MAMLD1: variants seen among roughly 807,000 people sequenced by gnomAD.
MAMLD1 encodes mastermind like domain containing 1, also known as mastermind-like domain-containing protein 1.
A neutral mutation model predicts 45.0 loss-of-function variants in MAMLD1; 14 were observed. The ratio of observed to expected loss-of-function variants is 0.31; its 90% CI spans 0.21 to 0.49. MAMLD1 has a LOEUF of 0.49. Among genes scored for constraint, MAMLD1 ranks in the 20% least tolerant of loss-of-function variants. MAMLD1 has a pLI of 0.99. For missense variants in MAMLD1, 543 were observed against 603.6 expected, an observed-to-expected ratio of 0.90 and a Z score of 1.05; for synonymous variants, 254 against 247.8, an observed-to-expected ratio of 1.02 and a Z score of -0.24.
In MAMLD1 at chrX:150,467,985, C is replaced by T. The variant is rs782671206; in HGVS notation, c.172-1760C>T. On this transcript the variant is annotated intron_variant, in intron 3 of 7. Coordinates refer to ENST00000370401, the MANE Select transcript of MAMLD1 (RefSeq NM_005491.5). Reference sequence around the variant, plus strand: ...AAGAACTATAATTACACTCATTTTACACATAAAGAAACTGGGGCTCTGAGA... The same window carrying T: ...AAGAACTATAATTACACTCATTTTATACATAAAGAAACTGGGGCTCTGAGA... Among the ~76,000 whole-genome samples the T allele has an allele frequency of 1.5e-4, 17 of 112,606 alleles. No homozygotes were observed. The South Asian group carries it at 6.3e-3, about 42-fold the overall frequency.
chrX:150,463,729 G>T (rs781834895), intron 3 of MAMLD1, among the ~76,000 whole-genome samples: 232 of 111,262 alleles, frequency 2.1e-3, no homozygotes, highest in African/African-American at 7.1e-3. Flanking sequence ...CAGCCCTCAG[G>T]TCAGGGTGGC....
intron 1 of MAMLD1, among the ~76,000 whole-genome samples, chrX:150,400,978 G>A (rs12400342): frequency 9.1e-6 from 1 of 109,416 alleles, no homozygotes; most frequent in African/African-American, 3.3e-5. Flanking sequence ...CTCATAAAAC[G>A]AGTTAGGGAG....
At chrX:150,414,959 G>C (rs1430766017) in intron 1 of MAMLD1, among the ~76,000 whole-genome samples, 1 of 111,466 alleles carries the variant, frequency 9.0e-6, no homozygotes, top group Non-Finnish European at 1.9e-5. Context: ...AGACACCAGG[G>C]TGATGAGGAG....
chrX:150,458,712 A>G lies in MAMLD1; in HGVS notation c.97-4060A>G, dbSNP rs782757738. On this transcript the variant is annotated intron_variant, in intron 2 of 7. Transcript: ENST00000370401. Reference sequence around the variant, plus strand: ...TATACAGTGTGATGATTTGATATACATATATATTGTGAAATGATTACCACA... The same window carrying G: ...TATACAGTGTGATGATTTGATATACGTATATATTGTGAAATGATTACCACA... Among the ~76,000 whole-genome samples the G allele has an allele frequency of 2.0e-4, 23 of 112,259 alleles. No homozygotes were observed. In the South Asian group the frequency reaches 8.6e-3, roughly 42 times the overall value.
intron 1 of MAMLD1, among the ~76,000 whole-genome samples, chrX:150,385,653 G>T (rs1213441619): frequency 9.0e-6 from 1 of 111,235 alleles, no homozygotes; most frequent in East Asian, 2.8e-4. Context: ...GGAAGAGGAA[G>T]GGTTGCTCTT....
At chrX:150,371,523 G>A (rs983503351) in intron 1 of MAMLD1, among the ~76,000 whole-genome samples, 1 of 111,516 alleles carries the variant, frequency 9.0e-6, no homozygotes, top group Non-Finnish European at 1.9e-5. Flanking sequence ...AGGCCTGGTG[G>A]CCCCAGCTTG....
Position 150,512,380 on chromosome X carries a change from T to C in MAMLD1, c.*421T>C. 1 of 1,143,263 alleles carries C rather than the reference T, an allele frequency of 8.7e-7. No homozygotes were observed. The highest frequency in any genetic ancestry group is 1.2e-6 in the Non-Finnish European group (1 of 864,086). 94.2% of individuals were successfully genotyped at this position (1,143,263 alleles called of 1,213,427 possible). A position where few individuals can be genotyped will look rare whatever the true frequency, so the allele number is the denominator to read the frequency against. ...GTCCCCACCAGCTCAGACGGCCTAGTGTGCCAAGAATGCCCACTGCGTTCA... is the reference window on the plus strand; with the variant it reads ...GTCCCCACCAGCTCAGACGGCCTAGCGTGCCAAGAATGCCCACTGCGTTCA... On this transcript the variant is annotated 3_prime_UTR_variant, in exon 8 of 8. Coordinates refer to ENST00000370401, the MANE Select transcript of MAMLD1 (RefSeq NM_005491.5).
At chrX:150,481,969 A>AAAGAAAG (rs2036799418) in intron 5 of MAMLD1, among the ~76,000 whole-genome samples, 1 of 35,206 alleles carries the variant, frequency 2.8e-5, no homozygotes, top group Non-Finnish European at 5.5e-5. Context: ...AAGAAAAAAG[A>AAAGAAAG]AAGAAAGAAA....
intron 1 of MAMLD1, among the ~76,000 whole-genome samples, chrX:150,428,089 C>T (rs2034777125): frequency 9.0e-6 from 1 of 110,862 alleles, no homozygotes; most frequent in African/African-American, 3.3e-5. Flanking sequence ...TACTGGGGTG[C>T]CTTCAGAGCC....
At chrX:150,484,770 G>C (rs1291037572) in intron 5 of MAMLD1, among the ~76,000 whole-genome samples, 4 of 112,618 alleles carry the variant, frequency 3.6e-5, no homozygotes, top group Non-Finnish European at 7.5e-5. Context: ...TCTGCATTGT[G>C]ATTTGTCAGA....
chrX:150,467,917 A>G (rs1217039208), intron 3 of MAMLD1, among the ~76,000 whole-genome samples: 1 of 112,370 alleles, frequency 8.9e-6, no homozygotes, highest in African/African-American at 3.2e-5. Context: ...GTGTCATACA[A>G]TGTGCCCCGT....
chrX:150,489,908 G>A (rs1479444780), intron 5 of MAMLD1, among the ~76,000 whole-genome samples: 1 of 111,143 alleles, frequency 9.0e-6, no homozygotes, highest in Non-Finnish European at 1.9e-5. Flanking sequence ...GCGAGAAAGA[G>A]GATTGGGTAA....
At chrX:150,372,257 G>A (rs181627019) in intron 1 of MAMLD1, among the ~76,000 whole-genome samples, 2 of 112,325 alleles carry the variant, frequency 1.8e-5, no homozygotes, top group Non-Finnish European at 3.8e-5. Flanking sequence ...TTAAGAATTA[G>A]AAGGTAGTGT....
chrX:150,466,974 T>G, intron 3 of MAMLD1, among the ~76,000 whole-genome samples: 1 of 92,159 alleles, frequency 1.1e-5, no homozygotes. Flanking sequence ...TCACAGCCCC[T>G]TCCCTCCCTT....
chrX:150,381,761 C>T (rs1485831766), intron 1 of MAMLD1, among the ~76,000 whole-genome samples: 1 of 112,112 alleles, frequency 8.9e-6, no homozygotes, highest in Non-Finnish European at 1.9e-5. Flanking sequence ...TTGCATTTCC[C>T]TAACGCCTAA....
At chrX:150,456,906 AG>A (rs1557405357) in intron 2 of MAMLD1, among the ~76,000 whole-genome samples, 1 of 112,365 alleles carries the variant, frequency 8.9e-6, no homozygotes, top group Non-Finnish European at 1.9e-5. Flanking sequence ...CCTTCAGAAA[AG>A]TTTCTTGCCC....
At chrX:150,474,085 G>A (rs1227549066) in intron 5 of MAMLD1, among the ~76,000 whole-genome samples, 1 of 112,404 alleles carries the variant, frequency 8.9e-6, no homozygotes, top group Non-Finnish European at 1.9e-5. Context: ...TTGCCACCAA[G>A]AGCTGCCTTT....
At chrX:150,433,915 G>T (rs1421501235) in intron 1 of MAMLD1, among the ~76,000 whole-genome samples, 2 of 111,693 alleles carry the variant, frequency 1.8e-5, no homozygotes, top group African/African-American at 6.5e-5. Flanking sequence ...GATGATGTTG[G>T]CCTCACAGAA....
intron 5 of MAMLD1, among the ~76,000 whole-genome samples, chrX:150,482,173 C>A (rs2036838181): frequency 8.9e-6 from 1 of 111,994 alleles, no homozygotes; most frequent in Admixed American, 9.4e-5. Context: ...GAATATTATT[C>A]AGCCTTAAAA....
Sources: allele counts gnomAD v4.1 joint callset (sites outside exome capture counted in the v4.1 genomes callset), GRCh38; gene constraint gnomAD v4.1.1; transcripts MANE v1.5; gene names NCBI Gene and HGNC (gene_info 2026-07-23, HGNC 2026-07-21).